The following RYR3 variants were observed in gnomAD, a reference collection of about 807,000 sequenced individuals.
RYR3 encodes brain ryanodine receptor-calcium release channel.
In RYR3, 207 loss-of-function variants were observed where a neutral mutation model predicts 584.3. That is an observed-to-expected ratio of 0.35 (90% CI 0.32 to 0.40). The LOEUF (loss-of-function observed/expected upper bound fraction) is 0.40. RYR3 is among the 10% of genes least tolerant of loss of function. RYR3 has a pLI of 1.00. For missense variants in RYR3, 5,616 were observed against 6,089.2 expected (o/e 0.92, Z 2.59); for synonymous variants, 2,416 against 2,248.5 (o/e 1.07, Z -2.11).
At chr15:33,632,883 C>G (rs1365781550) in intron 23 of RYR3, 66 bp from the exon 24 acceptor site, 1 of 1,449,736 alleles carries the variant, frequency 6.9e-7, no homozygotes, top group African/African-American at 1.4e-5. Context: ...TGCTCTTGGT[C>G]TAAAATCCGG....
At chr15:33,646,687 C>T (rs1037237145) in intron 29 of RYR3, among the ~76,000 whole-genome samples, 161 bp downstream of exon 29, 1 of 152,226 alleles carries the variant, frequency 6.6e-6, no homozygotes, top group East Asian at 1.9e-4. Context: ...CACGCATGTA[C>T]ATGCAAGTAC....
At chr15:33,331,244 A>G (rs1970344302) in intron 1 of RYR3, among the ~76,000 whole-genome samples, 1 of 152,176 alleles carries the variant, frequency 6.6e-6, no homozygotes, top group Admixed American at 6.5e-5. Flanking sequence ...ATTCTCTTCC[A>G]AATATTAATT....
intron 67 of RYR3, among the ~76,000 whole-genome samples, chr15:33,796,492 T>C (rs2075632690): frequency 6.6e-6 from 1 of 152,170 alleles, no homozygotes; most frequent in South Asian, 2.1e-4. Flanking sequence ...CCCCCCAGGA[T>C]TCTGTTCTTA....
chr15:33,701,640 C>G (rs1262947889), intron 42 of RYR3, among the ~76,000 whole-genome samples: 1 of 151,822 alleles, frequency 6.6e-6, no homozygotes, highest in Non-Finnish European at 1.5e-5. Context: ...GCAGAGCAAC[C>G]TGGAGGGGGA....
intron 27 of RYR3, 57 bp downstream of exon 27, chr15:33,636,607 G>A (rs959548947): frequency 1.8e-5 from 26 of 1,458,124 alleles, no homozygotes; most frequent in Non-Finnish European, 2.4e-5. Flanking sequence ...AAAATATAGG[G>A]AGAGCTGAGC....
chr15:33,789,987 T>C (rs1302093053), intron 67 of RYR3, among the ~76,000 whole-genome samples: 2 of 55,170 alleles, frequency 3.6e-5, no homozygotes, highest in Admixed American at 2.8e-4. Flanking sequence ...CCTGGCCTTC[T>C]TTTTTTTTTT....
At chr15:33,360,490 A>G (rs1220099403) in intron 1 of RYR3, among the ~76,000 whole-genome samples, 1 of 152,208 alleles carries the variant, frequency 6.6e-6, no homozygotes, top group Non-Finnish European at 1.5e-5. Flanking sequence ...ATGACTTTGT[A>G]TGGATATATC....
chr15:33,566,629 A>G, intron 11 of RYR3, 49 bp from the exon 12 acceptor site: 1 of 1,603,540 alleles, frequency 6.2e-7, no homozygotes, highest in Non-Finnish European at 8.5e-7. Flanking sequence ...GACTGCCCAT[A>G]TGTGGAATAA....
At chr15:33,560,755 G>A (rs1235320788) in intron 10 of RYR3, among the ~76,000 whole-genome samples, 1 of 151,866 alleles carries the variant, frequency 6.6e-6, no homozygotes, top group Non-Finnish European at 1.5e-5. Context: ...TAGGATAAAT[G>A]CATTCTTGAT....
At chr15:33,389,436 G>A (rs4619367) in intron 1 of RYR3, among the ~76,000 whole-genome samples, 118,512 of 152,156 alleles carry the variant, frequency 0.78, 46,325 homozygotes, top group African/African-American at 0.81. Flanking sequence ...GTTGCTACTA[G>A]GGAATAACAG....
rs911932832 is a variant in RYR3 at position 33,866,079 on chromosome 15, G to A, written c.*853G>A. On this transcript the variant is annotated 3_prime_UTR_variant, in exon 104 of 104. Coordinates refer to ENST00000634891, the MANE Select transcript of RYR3 (RefSeq NM_001036.6). ...CCTCAAATACAATGAAGTGCCCACT[G>A]CAATAAAGTAATACGTACCAATACC... 2 of 156,892 alleles carry A rather than the reference G, an allele frequency of 1.3e-5. No homozygotes were observed. The highest frequency in any genetic ancestry group is 1.4e-5 in the Non-Finnish European group (1 of 70,400). 9.7% of individuals were successfully genotyped at this position (156,892 alleles called of 1,614,324 possible).
At chr15:33,445,281 G>A (rs993893514) in intron 1 of RYR3, among the ~76,000 whole-genome samples, 3 of 152,140 alleles carry the variant, frequency 2.0e-5, no homozygotes, top group Non-Finnish European at 2.9e-5. Context: ...GATAGGGAAC[G>A]CTGATGGGCT....
chr15:33,765,060 C>A (rs11638623), intron 60 of RYR3, among the ~76,000 whole-genome samples: 21 of 141,758 alleles, frequency 1.5e-4, no homozygotes, highest in African/African-American at 2.9e-4. Context: ...AGACATCATA[C>A]AAGTCCTGAT....
chr15:33,634,831 A>C, intron 25 of RYR3, 98 bp downstream of exon 25: 6 of 1,006,032 alleles, frequency 6.0e-6, no homozygotes, highest in Non-Finnish European at 9.2e-6. Context: ...GTACTATTGG[A>C]AATAGTATTG....
intron 14 of RYR3, among the ~76,000 whole-genome samples, chr15:33,582,146 T>C (rs1330721881): frequency 6.6e-6 from 1 of 152,198 alleles, no homozygotes; most frequent in Non-Finnish European, 1.5e-5. Flanking sequence ...TCTCACAATA[T>C]GGAGTGTGTA....
At chr15:33,789,326 T>G (rs142498041) in intron 67 of RYR3, among the ~76,000 whole-genome samples, 18 of 152,012 alleles carry the variant, frequency 1.2e-4, no homozygotes, top group African/African-American at 4.3e-4. Context: ...ATTCACTCTT[T>G]GAGCACTGTA....
Position 33,310,987 on chromosome 15 carries a change from C to A in RYR3, c.-59C>A. ...GCAGCAGCAGTCAGCGCACGCCGAG[C>A]GGCTGCCGGGGGAAGCAGAGGCGCC... is the stretch of plus-strand genomic sequence containing the variant. On this transcript the variant is annotated 5_prime_UTR_variant, in exon 1 of 104. Transcript: ENST00000634891. 1 of 1,376,800 alleles carries A rather than the reference C, an allele frequency of 7.3e-7. No individual in the cohort carries two copies. Among genetic ancestry groups the A allele is most frequent in the Non-Finnish European group, 1.0e-6 (1 of 992,732 alleles). 85.3% of individuals were successfully genotyped at this position (1,376,800 alleles called of 1,614,324 possible). A position where few individuals can be genotyped will look rare whatever the true frequency, so the allele number is the denominator to read the frequency against.
Position 33,531,432 on chromosome 15 carries a change from T to C in RYR3, c.354+766T>C, listed in dbSNP as rs1004922617. Among the ~76,000 whole-genome samples the C allele has an allele frequency of 3.3e-5, 5 of 152,162 alleles. No homozygotes were observed. In the East Asian group the frequency reaches 9.6e-4, roughly 29 times the overall value. ...CTCAATCAACTATATGCCACTCCAA[T>C]AGTGTATCATCCTCACTTTCTTTCG... On this transcript the variant is annotated intron_variant, in intron 4 of 103. Transcript: ENST00000634891.
chr15:33,551,717 G>A (rs143983656), intron 10 of RYR3, among the ~76,000 whole-genome samples: 1 of 151,844 alleles, frequency 6.6e-6, no homozygotes, highest in African/African-American at 2.4e-5. Flanking sequence ...TTTCATTCTG[G>A]TTTTCTGAGC....
Sources: gnomAD v4.1 joint callset for allele counts (sites outside exome capture counted in the v4.1 genomes callset) on GRCh38, gnomAD v4.1.1 for gene constraint, MANE v1.5 for transcripts, NCBI Gene and HGNC (gene_info 2026-07-23, HGNC 2026-07-21) for gene names.